Variants in NALF1 observed in about 807,000 individuals in gnomAD.
The protein encoded by NALF1 is NALCN channel auxiliary factor 1.
NALF1 carries 3 observed loss-of-function variants against 48.4 expected under a neutral mutation model. The observed-to-expected ratio is 0.06, with a 90% CI of 0.03 to 0.16. The LOEUF is 0.16. NALF1 is among the 10% of genes least tolerant of loss of function. The pLI is 1.00. For missense variants in NALF1, 526 were observed against 571.5 expected (o/e 0.92, Z 0.81); for synonymous variants, 262 against 245.7 (o/e 1.07, Z -0.62).
chr13:107,670,052 C>T (rs1880954066), intron 1 of NALF1, among the ~76,000 whole-genome samples: 1 of 152,142 alleles, frequency 6.6e-6, no homozygotes. Context: ...ATCCTTTCTA[C>T]TTCACCATCT....
intron 2 of NALF1, among the ~76,000 whole-genome samples, chr13:107,206,763 C>T (rs962450418): frequency 6.6e-6 from 1 of 152,158 alleles, no homozygotes; most frequent in Non-Finnish European, 1.5e-5. Context: ...AGGAGAAGCA[C>T]CTTGAAGAAA....
At chr13:107,661,013 G>GA (rs1880722348) in intron 1 of NALF1, among the ~76,000 whole-genome samples, 3 of 152,118 alleles carry the variant, frequency 2.0e-5, no homozygotes, top group Admixed American at 6.6e-5. Flanking sequence ...TTTTATTTGG[G>GA]AAAAAATCCG....
chr13:107,601,614 T>C lies in NALF1; in HGVS notation c.915+264068A>G, dbSNP rs574865406. Among the ~76,000 whole-genome samples, 14 of 152,188 alleles carry C rather than the reference T, an allele frequency of 9.2e-5. No homozygotes were observed. The South Asian group carries it at 2.7e-3, about 29-fold the overall frequency. ...AATTTCTCAGGGTGTAGGAATATCC[T>C]AATAAAGCCAATGTCTTCATCACAC... On this transcript the variant is annotated intron_variant, in intron 1 of 2. Coordinates refer to ENST00000375915, the MANE Select transcript of NALF1 (RefSeq NM_001080396.3).
intron 1 of NALF1, among the ~76,000 whole-genome samples, chr13:107,634,538 G>T (rs1310540891): frequency 6.6e-6 from 1 of 152,122 alleles, no homozygotes; most frequent in East Asian, 1.9e-4. Context: ...AAGGGGAAAA[G>T]ATCTTGGAGT....
At chr13:107,286,982 A>G (rs1405372043) in intron 1 of NALF1, among the ~76,000 whole-genome samples, 2 of 152,210 alleles carry the variant, frequency 1.3e-5, no homozygotes, top group African/African-American at 4.8e-5. Flanking sequence ...TTGTGGCTGC[A>G]CAGCAGTATG....
At chr13:107,544,414 T>A (rs192428914) in intron 1 of NALF1, among the ~76,000 whole-genome samples, 1 of 152,330 alleles carries the variant, frequency 6.6e-6, no homozygotes, top group East Asian at 1.9e-4. Context: ...ATGTGTTAAC[T>A]ATTAAAAATA....
intron 1 of NALF1, among the ~76,000 whole-genome samples, chr13:107,448,264 C>T (rs78393090): frequency 0.014 from 2,132 of 152,054 alleles, 24 homozygotes; most frequent in South Asian, 0.036. Flanking sequence ...CACTGTGTGA[C>T]GACTGGAGCT....
At chr13:107,760,179 AG>A (rs1427258258) in intron 1 of NALF1, among the ~76,000 whole-genome samples, 1 of 152,234 alleles carries the variant, frequency 6.6e-6, no homozygotes, top group Non-Finnish European at 1.5e-5. Flanking sequence ...TATTGCATCA[AG>A]GTAGATTTCT....
At chr13:107,397,537 G>A (rs1365838416) in intron 1 of NALF1, among the ~76,000 whole-genome samples, 2 of 152,132 alleles carry the variant, frequency 1.3e-5, no homozygotes, top group African/African-American at 4.8e-5. Context: ...AGGCAGTCAC[G>A]TAGGATTCTA....
intron 1 of NALF1, among the ~76,000 whole-genome samples, chr13:107,365,099 C>G (rs1217370049): frequency 6.7e-6 from 1 of 149,258 alleles, no homozygotes; most frequent in Non-Finnish European, 1.5e-5. Flanking sequence ...CCTCCTCTAC[C>G]TCCTTCTCCT....
chr13:107,371,893 A>G (rs1883254063), intron 1 of NALF1, among the ~76,000 whole-genome samples: 2 of 152,222 alleles, frequency 1.3e-5, no homozygotes, highest in Admixed American at 1.3e-4. Context: ...ATATCTTTTG[A>G]AATAAAAATT....
chr13:107,752,691 C>T (rs1241545135), intron 1 of NALF1, among the ~76,000 whole-genome samples: 1 of 151,982 alleles, frequency 6.6e-6, no homozygotes, highest in Non-Finnish European at 1.5e-5. Context: ...ATTTCTAAGC[C>T]CTTCCAAAGA....
At chr13:107,590,200 GT>G (rs1878567887) in intron 1 of NALF1, among the ~76,000 whole-genome samples, 1 of 151,916 alleles carries the variant, frequency 6.6e-6, no homozygotes, top group Admixed American at 6.6e-5. Context: ...CAAATGAGTA[GT>G]AAGAAATCCA....
rs114777456 is a variant in NALF1, at chr13:107,608,802, T to C, written c.915+256880A>G. Reference sequence around the variant, plus strand: ...GTGAAGGAAGAGGTGAACGGCATCCTTTGAAGCAGGATCAGACCCAGCCCG... The same window carrying C: ...GTGAAGGAAGAGGTGAACGGCATCCCTTGAAGCAGGATCAGACCCAGCCCG... On this transcript the variant is annotated intron_variant, in intron 1 of 2. Transcript: ENST00000375915. Among the ~76,000 whole-genome samples, 327 of 152,332 alleles carry C rather than the reference T, an allele frequency of 2.1e-3. 2 individuals are homozygous for C. The highest frequency in any genetic ancestry group is 6.8e-3 in the Middle Eastern group (2 of 294).
intron 1 of NALF1, among the ~76,000 whole-genome samples, chr13:107,812,812 T>C (rs1879038001): frequency 6.6e-6 from 1 of 152,150 alleles, no homozygotes; most frequent in Non-Finnish European, 1.5e-5. Flanking sequence ...GGTTGGTTCG[T>C]TAGTTTGAGA....
intron 1 of NALF1, among the ~76,000 whole-genome samples, chr13:107,306,702 G>A (rs1290484456): frequency 1.3e-5 from 2 of 152,294 alleles, no homozygotes; most frequent in Admixed American, 6.5e-5. Flanking sequence ...GATGGCTCAC[G>A]CCTGTAGTCT....
chr13:107,774,625 T>C (rs950671820), intron 1 of NALF1, among the ~76,000 whole-genome samples: 8 of 152,200 alleles, frequency 5.3e-5, no homozygotes, highest in African/African-American at 1.9e-4. Context: ...CCATAATTTA[T>C]CCAGCAGCCA....
intron 1 of NALF1, among the ~76,000 whole-genome samples, chr13:107,384,253 A>AAAAACAAAACAAAAC (rs529162085): frequency 6.6e-6 from 1 of 151,830 alleles, no homozygotes; most frequent in African/African-American, 2.4e-5. Context: ...ATCCTGTCTC[A>AAAAACAAAACAAAAC]AAAACAAAAC....
At chr13:107,704,780 A>T (rs1277823139) in intron 1 of NALF1, among the ~76,000 whole-genome samples, 1 of 152,104 alleles carries the variant, frequency 6.6e-6, no homozygotes, top group East Asian at 1.9e-4. Flanking sequence ...TCATTTCTAA[A>T]CTTTACCTTA....
Sources: allele counts gnomAD v4.1 joint callset (sites outside exome capture counted in the v4.1 genomes callset), GRCh38; gene constraint gnomAD v4.1.1; transcripts MANE v1.5; gene names NCBI Gene and HGNC (gene_info 2026-07-23, HGNC 2026-07-21).